TXNRD2: variants seen among roughly 807,000 people sequenced by gnomAD.
The protein encoded by TXNRD2 is thioredoxin reductase 2, mitochondrial.
In TXNRD2, 67 loss-of-function variants were observed where a neutral mutation model predicts 70.8. That is an observed-to-expected ratio of 0.95 (90% CI 0.78 to 1.16). The LOEUF (loss-of-function observed/expected upper bound fraction) is 1.16, where lower values mean the gene tolerates loss of function less well. TXNRD2 is among the 50% of genes most tolerant of loss of function. The pLI, the probability that TXNRD2 is intolerant of heterozygous loss-of-function variation, is 0.00. For missense variants in TXNRD2, 644 were observed against 719.9 expected (o/e 0.89, Z 1.21); for synonymous variants, 301 against 295.8 (o/e 1.02, Z -0.18).
At chr22:19,880,584 G>T in intron 13 of TXNRD2, 38 bp downstream of exon 13, 2 of 1,583,746 alleles carry the variant, frequency 1.3e-6, no homozygotes, top group Non-Finnish European at 1.7e-6. Flanking sequence ...AACTCAGCCT[G>T]TCCTAGGCTG....
At chr22:19,920,026 T>C (rs1940836390) in intron 2 of TXNRD2, among the ~76,000 whole-genome samples, 1 of 152,172 alleles carries the variant, frequency 6.6e-6, no homozygotes, top group East Asian at 1.9e-4. Context: ...TCACCGGGAA[T>C]GGCTCCTGAC....
intron 8 of TXNRD2, among the ~76,000 whole-genome samples, chr22:19,909,839 C>A (rs554889857): frequency 0.047 from 2,140 of 45,230 alleles, 146 homozygotes; most frequent in African/African-American, 0.18. Flanking sequence ...CCACACACAC[C>A]CACACCCTTC....
intron 8 of TXNRD2, 128 bp downstream of exon 8, chr22:19,911,249 C>CT (rs1206952956): frequency 7.4e-6 from 6 of 806,050 alleles, no homozygotes; most frequent in Non-Finnish European, 1.3e-5. Flanking sequence ...AATAACAGGC[C>CT]TTTTTTCCTT....
rs765242435 is a variant in TXNRD2, at chr22:19,931,016, T to C, written c.172+14A>G. On this transcript the variant is annotated intron_variant, in intron 2 of 17. Coordinates refer to ENST00000400521, the MANE Select transcript of TXNRD2 (RefSeq NM_006440.5). ...AGCTTCGAGGCCTTGCCACGAAGTA[T>C]ACAGAATACATACCCTCCTTGGCAC... 52 of 1,613,140 alleles carry C rather than the reference T, an allele frequency of 3.2e-5. No homozygotes were observed. The highest frequency in any genetic ancestry group is 4.2e-5 in the Non-Finnish European group (49 of 1,179,664).
intron 9 of TXNRD2, 121 bp downstream of exon 9, chr22:19,898,928 G>T (rs1210188356): frequency 1.6e-6 from 2 of 1,267,660 alleles, no homozygotes; most frequent in Non-Finnish European, 2.2e-6. Flanking sequence ...ACGCCGAGAG[G>T]CCCAGTAAGT....
intron 7 of TXNRD2, among the ~76,000 whole-genome samples, chr22:19,911,997 GGTAA>G (rs1285285270): frequency 6.6e-6 from 1 of 152,130 alleles, no homozygotes; most frequent in Non-Finnish European, 1.5e-5. Flanking sequence ...AGGCACAGGG[GGTAA>G]GTGCCACAGG....
At chr22:19,918,809 C>T (rs769858177) in intron 4 of TXNRD2, 51 bp downstream of exon 4, 7 of 1,594,210 alleles carry the variant, frequency 4.4e-6, no homozygotes, top group South Asian at 1.1e-5. Flanking sequence ...CTTCCTCTTC[C>T]ACCCAAGAGT....
At chr22:19,897,838 G>A (rs1018387380) in intron 10 of TXNRD2, among the ~76,000 whole-genome samples, 3 of 152,218 alleles carry the variant, frequency 2.0e-5, no homozygotes, top group African/African-American at 7.2e-5. Context: ...GTGCAGCTGT[G>A]CGCCCCACTG....
chr22:19,895,404 T>C lies in TXNRD2; in HGVS notation c.949+3A>G, dbSNP rs770435568. On this transcript the variant is annotated splice_donor_region_variant and intron_variant, in intron 11 of 17. Coordinates refer to ENST00000400521, the MANE Select transcript of TXNRD2 (RefSeq NM_006440.5). The stretch of plus-strand genomic sequence containing the variant: ...CAGAGCGTGTGGCTCGACGTGCCCT[T>C]ACCTATGGCCCACAGGACGGTGTCA... 7 of 1,613,752 alleles carry C rather than the reference T, an allele frequency of 4.3e-6. No individual in the cohort carries two copies.
rs1601389205 is a variant in TXNRD2 at position 19,883,320 on chromosome 22, C to T, written c.1086+5G>A. 4 of 1,613,106 alleles carry T rather than the reference C, an allele frequency of 2.5e-6. No homozygotes were observed. The highest frequency in any genetic ancestry group is 2.2e-5 in the East Asian group (1 of 44,872). ...GGGGCCCTGGTCCCGGGACGCATGC[C>T]GTACCTCCACCACGTCACCAATGGC... On this transcript the variant is annotated splice_donor_5th_base_variant and intron_variant, in intron 12 of 17. Transcript: ENST00000400521.
At chr22:19,895,364 CG>C in intron 11 of TXNRD2, 42 bp downstream of exon 11, 1 of 1,612,914 alleles carries the variant, frequency 6.2e-7, no homozygotes, top group Non-Finnish European at 8.5e-7. Flanking sequence ...CCATGCACCT[CG>C]GGGAGACCAG....
At chr22:19,911,470 T>C (rs750697239) in intron 7 of TXNRD2, 23 bp from the exon 8 acceptor site, 2 of 1,601,382 alleles carry the variant, frequency 1.2e-6, no homozygotes, top group Admixed American at 3.3e-5. Context: ...AAATGACCCC[T>C]TGGACAAGAG....
At position 19,902,949 on chromosome 22, in the gene TXNRD2, C is replaced by T. The variant is rs115303693; in HGVS notation, c.663-3881G>A. ...TCGCAGTACCTGGCTGGCTTCCGGA[C>T]TTCCTAAGGGTCAAATAAAAGCTCT... On this transcript the variant is annotated intron_variant, in intron 8 of 17. Transcript: ENST00000400521. 2,655 of 518,806 alleles carry T rather than the reference C, an allele frequency of 5.1e-3. 68 individuals carry two copies. Among genetic ancestry groups the T allele is most frequent in the African/African-American group, 0.046 (2,412 of 52,076 alleles). The allele number at this position is 518,806 out of a possible 1,614,324, so 32.1% of individuals were successfully genotyped here. A position where few individuals can be genotyped will look rare whatever the true frequency, so the allele number is the denominator to read the frequency against.
At position 19,883,485 on chromosome 22, in the gene TXNRD2, G is replaced by A. The variant is rs199801245; in HGVS notation, c.950-24C>T. On this transcript the variant is annotated intron_variant, in intron 11 of 17. Transcript: ENST00000400521. ...ACCTGAAGGAAACAGAGAGGGGGCT[G>A]AAAGGTTATCTTCAGTGGCTTTGAC... The A allele has an allele frequency of 2.9e-5, 46 of 1,613,874 alleles. No individual in the cohort carries two copies. In the East Asian group the frequency reaches 9.1e-4, roughly 32 times the overall value.
chr22:19,903,619 G>A (rs1346261586), intron 8 of TXNRD2, among the ~76,000 whole-genome samples: 1 of 152,206 alleles, frequency 6.6e-6, no homozygotes, highest in Non-Finnish European at 1.5e-5. Flanking sequence ...TGCGGCTGTG[G>A]GACTGGAGTT....
chr22:19,879,017 T>C (rs1938634321), intron 14 of TXNRD2, among the ~76,000 whole-genome samples: 1 of 152,232 alleles, frequency 6.6e-6, no homozygotes, highest in Admixed American at 6.5e-5. Context: ...TTAATGGAAC[T>C]TCAGAGAATA....
intron 7 of TXNRD2, among the ~76,000 whole-genome samples, chr22:19,912,994 G>A (rs1331783470): frequency 2.0e-5 from 3 of 152,206 alleles, no homozygotes; most frequent in South Asian, 4.1e-4. Context: ...GAGCTTGGCT[G>A]CAGCCTACTT....
At chr22:19,933,476 C>T in intron 1 of TXNRD2, 1 of 1,289,702 alleles carries the variant, frequency 7.8e-7, no homozygotes, top group Non-Finnish European at 1.0e-6. Flanking sequence ...CATAGCAGGG[C>T]CCTTGTTAGG....
chr22:19,902,450 T>C (rs749727225), intron 8 of TXNRD2, among the ~76,000 whole-genome samples: 4 of 152,194 alleles, frequency 2.6e-5, no homozygotes, highest in Non-Finnish European at 5.9e-5. Flanking sequence ...CCAGAGGGAA[T>C]ACTCACACAA....
Sources: allele counts gnomAD v4.1 joint callset (sites outside exome capture counted in the v4.1 genomes callset), GRCh38; gene constraint gnomAD v4.1.1; transcripts MANE v1.5; gene names NCBI Gene and HGNC (gene_info 2026-07-23, HGNC 2026-07-21).